The following LRRC4C variants were observed in gnomAD, a reference collection of about 807,000 sequenced individuals.
LRRC4C encodes the protein leucine-rich repeat-containing protein 4C.
In LRRC4C, 5 loss-of-function variants were observed where a neutral mutation model predicts 33.6. The ratio of observed to expected loss-of-function variants is 0.15; its 90% CI spans 0.08 to 0.31. LRRC4C has a LOEUF of 0.31. Among genes scored for constraint, LRRC4C ranks in the 10% least tolerant of loss-of-function variants. LRRC4C has a pLI of 1.00. For synonymous variants in LRRC4C, 329 were observed against 302.0 expected, an observed-to-expected ratio of 1.09 and a Z score of -0.93; for missense variants, 560 against 796.7, an observed-to-expected ratio of 0.70 and a Z score of 3.58.
At chr11:40,257,546 G>A (rs779911439) in intron 4 of LRRC4C, among the ~76,000 whole-genome samples, 1 of 152,058 alleles carries the variant, frequency 6.6e-6, no homozygotes, top group Non-Finnish European at 1.5e-5. Context: ...ATGCAGCCCC[G>A]AAGAGTCATC....
At chr11:40,169,067 T>C (rs2135417161) in intron 5 of LRRC4C, among the ~76,000 whole-genome samples, 1 of 152,320 alleles carries the variant, frequency 6.6e-6, no homozygotes, top group Middle Eastern at 3.4e-3. Context: ...TTTTAACTCA[T>C]GATTGCTTTA....
At chr11:40,712,942 G>A (rs1241715571) in intron 2 of LRRC4C, among the ~76,000 whole-genome samples, 1 of 151,570 alleles carries the variant, frequency 6.6e-6, no homozygotes, top group East Asian at 2.0e-4. Context: ...AAGCTGGAGT[G>A]CAGTGGTGTG....
At chr11:40,306,107 G>A (rs1590258021) in intron 4 of LRRC4C, among the ~76,000 whole-genome samples, 1 of 152,256 alleles carries the variant, frequency 6.6e-6, no homozygotes, top group African/African-American at 2.4e-5. Flanking sequence ...TGCCTGACTA[G>A]AGTTTAAAGT....
chr11:40,174,177 T>A (rs953109845), intron 5 of LRRC4C, among the ~76,000 whole-genome samples: 3 of 152,228 alleles, frequency 2.0e-5, no homozygotes, highest in Admixed American at 1.3e-4. Context: ...GATAATATCG[T>A]ATTTATTATT....
intron 3 of LRRC4C, among the ~76,000 whole-genome samples, chr11:40,324,481 G>C (rs763132124): frequency 6.6e-6 from 1 of 152,110 alleles, no homozygotes. Context: ...AAATGAAATG[G>C]GCAATGAAAG....
In LRRC4C at chr11:40,230,278, A is replaced by T. The variant is rs544899430; in HGVS notation, c.-96+11241T>A. 3.7e-4 allele frequency among the ~76,000 whole-genome samples: 56 copies of T among 152,370 alleles called. 1 individual carries two copies. The South Asian group carries it at 3.9e-3, about 11-fold the overall frequency. On this transcript the variant is annotated intron_variant, in intron 5 of 6. Transcript: ENST00000528697. ...TTTCAGAAAAAGGGACAACAAAGTG[A>T]TAGCTTTTGATATCCAAGTCACTGA...
intron 1 of LRRC4C, among the ~76,000 whole-genome samples, chr11:41,188,073 C>A (rs183502498): frequency 6.6e-6 from 1 of 152,180 alleles, no homozygotes; most frequent in Admixed American, 6.5e-5. Flanking sequence ...TCAGTCTCAG[C>A]AACACCTATC....
chr11:40,549,808 A>G lies in LRRC4C; in HGVS notation c.-270+98334T>C, dbSNP rs148801400. Among the ~76,000 whole-genome samples the G allele has an allele frequency of 6.9e-4, 105 of 152,150 alleles. No homozygotes were observed. The East Asian group carries it at 0.016, about 23-fold the overall frequency. On this transcript the variant is annotated intron_variant, in intron 3 of 6. Coordinates refer to ENST00000528697, the MANE Select transcript of LRRC4C (RefSeq NM_001258419.2). ...TACATACAGTGAAAGGGGATTGGAT[A>G]AAGCATTTAAATGGTGTTGAATCTA...
At chr11:40,203,653 GA>G in intron 5 of LRRC4C, among the ~76,000 whole-genome samples, 1 of 152,166 alleles carries the variant, frequency 6.6e-6, no homozygotes, top group East Asian at 1.9e-4. Context: ...ACAGAAAAGG[GA>G]AATGATTTGG....
intron 2 of LRRC4C, among the ~76,000 whole-genome samples, chr11:40,877,296 C>T (rs780409206): frequency 4.6e-5 from 7 of 152,186 alleles, no homozygotes; most frequent in South Asian, 4.1e-4. Flanking sequence ...TCAGTTTTCC[C>T]GACATGTAAT....
At chr11:41,136,726 T>C (rs1943278824) in intron 1 of LRRC4C, among the ~76,000 whole-genome samples, 2 of 152,164 alleles carry the variant, frequency 1.3e-5, no homozygotes, top group Non-Finnish European at 2.9e-5. Flanking sequence ...TTCTGATTTC[T>C]GATTTTGAAT....
At chr11:41,283,126 A>C (rs1349196464) in intron 1 of LRRC4C, among the ~76,000 whole-genome samples, 1 of 152,332 alleles carries the variant, frequency 6.6e-6, no homozygotes, top group East Asian at 1.9e-4. Context: ...AATTTTTATT[A>C]GTTCAGTATC....
intron 2 of LRRC4C, among the ~76,000 whole-genome samples, chr11:40,785,905 GA>G (rs57031986): frequency 0.29 from 42,840 of 149,072 alleles, 8,539 homozygotes; most frequent in African/African-American, 0.58. Flanking sequence ...GATATTGTTG[GA>G]AAAAAAAACG....
At position 40,443,105 on chromosome 11, in the gene LRRC4C, G is replaced by T. The variant is rs796999618; in HGVS notation, c.-269-123384C>A. Among the ~76,000 whole-genome samples the T allele has an allele frequency of 3.9e-5, 6 of 152,156 alleles. No individual in the cohort carries two copies. In the South Asian group the frequency reaches 1.0e-3, roughly 26 times the overall value. On this transcript the variant is annotated intron_variant, in intron 3 of 6. Coordinates refer to ENST00000528697, the MANE Select transcript of LRRC4C (RefSeq NM_001258419.2). ...ATTGGCCAACTGAGACTCATAAGAA[G>T]AGCTGGTTCAGTATATGATCAATCA...
In LRRC4C at chr11:40,254,963, C is replaced by T. The variant is rs112129056; in HGVS notation, c.-175-13365G>A. On this transcript the variant is annotated intron_variant, in intron 4 of 6. Coordinates refer to ENST00000528697, the MANE Select transcript of LRRC4C (RefSeq NM_001258419.2). ...AGTTGAGACTACAGGCACAAACAAC[C>T]ATGCCTAGCTGTAATTTGTTTATTT... Among the ~76,000 whole-genome samples, 59 of 152,220 alleles carry T rather than the reference C, an allele frequency of 3.9e-4. 2 individuals carry two copies. The highest frequency in any genetic ancestry group is 1.3e-3 in the African/African-American group (56 of 41,558).
intron 5 of LRRC4C, among the ~76,000 whole-genome samples, chr11:40,237,003 G>T (rs181328138): frequency 7.9e-5 from 12 of 152,022 alleles, no homozygotes; most frequent in Non-Finnish European, 1.8e-4. Context: ...GGATTACAAA[G>T]AAAAAAACAC....
intron 2 of LRRC4C, among the ~76,000 whole-genome samples, chr11:40,776,400 C>A (rs2137226772): frequency 6.6e-6 from 1 of 151,844 alleles, no homozygotes; most frequent in East Asian, 1.9e-4. Context: ...TGATTGATTC[C>A]ATTTTGAGCT....
At chr11:40,198,435 T>C (rs1040439918) in intron 5 of LRRC4C, among the ~76,000 whole-genome samples, 1 of 152,238 alleles carries the variant, frequency 6.6e-6, no homozygotes, top group African/African-American at 2.4e-5. Context: ...TTATGAGATA[T>C]CCAGATACCT....
chr11:40,883,299 T>C (rs949596387), intron 2 of LRRC4C, among the ~76,000 whole-genome samples: 27 of 152,136 alleles, frequency 1.8e-4, no homozygotes, highest in African/African-American at 6.3e-4. Flanking sequence ...TGCCCCCCTA[T>C]AGTCAACTGT....
Sources: allele counts gnomAD v4.1 joint callset (sites outside exome capture counted in the v4.1 genomes callset), GRCh38; gene constraint gnomAD v4.1.1; transcripts MANE v1.5; gene names NCBI Gene and HGNC (gene_info 2026-07-23, HGNC 2026-07-21).